INPP5B: variants seen among roughly 807,000 people sequenced by gnomAD.
INPP5B encodes the protein inositol polyphosphate-5-phosphatase B.
A neutral mutation model predicts 118.5 loss-of-function variants in INPP5B; 90 were observed. The observed-to-expected ratio is 0.76, with a 90% CI of 0.64 to 0.90. INPP5B has a LOEUF of 0.90. INPP5B is among the 40% of genes least tolerant of loss of function. The probability of loss-of-function intolerance (pLI) is 0.00; values close to 1 mark genes in which losing one functional copy is unlikely to be tolerated. For missense variants in INPP5B, 984 were observed against 1,125.6 expected (o/e 0.87, Z 1.80); for synonymous variants, 385 against 418.9 (o/e 0.92, Z 0.99).
intron 20 of INPP5B, among the ~76,000 whole-genome samples, chr1:37,867,533 C>T (rs1381557229): frequency 6.6e-6 from 1 of 152,106 alleles, no homozygotes; most frequent in African/African-American, 2.4e-5. Context: ...CTGAGAACTA[C>T]TGTGAAAACT....
intron 19 of INPP5B, among the ~76,000 whole-genome samples, chr1:37,871,909 A>G (rs1642465512): frequency 6.6e-6 from 1 of 151,330 alleles, no homozygotes; most frequent in Non-Finnish European, 1.5e-5. Context: ...AAAAAAAAAA[A>G]AAATTAGCTG....
At chr1:37,913,181 C>T (rs1292340965) in intron 7 of INPP5B, among the ~76,000 whole-genome samples, 13 of 152,100 alleles carry the variant, frequency 8.5e-5, no homozygotes, top group South Asian at 4.1e-4. Flanking sequence ...GGTGTGAACC[C>T]GGAAGGCGGA....
chr1:37,863,047 G>T (rs549940890), intron 23 of INPP5B, among the ~76,000 whole-genome samples: 54 of 152,276 alleles, frequency 3.5e-4, no homozygotes, highest in African/African-American at 1.2e-3. Flanking sequence ...TCCCCAGGAT[G>T]CGATGAGGTT....
In INPP5B at chr1:37,870,937, C is replaced by T. The variant is rs565540437; in HGVS notation, c.2187+1993G>A. ...GGTGAGGCCGAGGTGGGTGGATCAG[C>T]TGAGGTCAGGAGTTCGAGACCGGCC... On this transcript the variant is annotated intron_variant, in intron 19 of 23. Coordinates refer to ENST00000373024, the MANE Select transcript of INPP5B (RefSeq NM_005540.3). 5.3e-5 allele frequency among the ~76,000 whole-genome samples: 8 copies of T among 152,190 alleles called. No homozygotes were observed. The South Asian group carries it at 1.2e-3, about 24-fold the overall frequency.
In INPP5B at chr1:37,873,136, A is replaced by G; in HGVS notation, c.1981T>C (p.Phe661Leu). 2.5e-6 allele frequency: 4 copies of G among 1,613,420 alleles called. No homozygotes were observed. The highest frequency in any genetic ancestry group is 3.4e-6 in the Non-Finnish European group (4 of 1,179,400). The change falls in exon 19 of 24, where the codon TTC becomes CTC. Residue 661 changes from phenylalanine to leucine, a missense_variant. Physicochemically the swap from Phe to Leu is conservative, Grantham distance 22 (BLOSUM62 0). Transcript: ENST00000373024. ...TTTGTAGCTGTCATCTTATTTACGA[A>G]GAGCTCCAAGTCAATCTCAACATCA... ...DSDVEIDLELFVNKMTATKLN... is the reference protein window; with the variant it reads ...DSDVEIDLELLVNKMTATKLN...
At chr1:37,920,748 G>A (rs974660819) in intron 7 of INPP5B, among the ~76,000 whole-genome samples, 1 of 151,612 alleles carries the variant, frequency 6.6e-6, no homozygotes, top group Non-Finnish European at 1.5e-5. Flanking sequence ...CTCCGCCAAT[G>A]ACCAGATGAG....
chr1:37,895,149 TA>T (rs1036928638), intron 7 of INPP5B, among the ~76,000 whole-genome samples: 1 of 151,926 alleles, frequency 6.6e-6, no homozygotes, highest in East Asian at 1.9e-4. Context: ...GACTGAAATT[TA>T]AAAAAAAGAA....
intron 20 of INPP5B, among the ~76,000 whole-genome samples, chr1:37,866,861 A>G (rs1030799356): frequency 2.6e-5 from 4 of 152,094 alleles, no homozygotes; most frequent in African/African-American, 9.7e-5. Flanking sequence ...TACCCAGGGG[A>G]AAAAAAATGA....
rs1642552408 is a variant in INPP5B, at chr1:37,872,944, T to C, written c.2173A>G (p.Thr725Ala). The change falls in exon 19 of 24, where the codon ACC becomes GCC. Residue 725 changes from threonine to alanine, a missense_variant. Transcript: ENST00000373024. Reference sequence around the variant, plus strand: ...ATATTACTCACCAGCTCACTAATGGTTTCAAGTGGTAGGTCCAAGATTGGC... The same window carrying C: ...ATATTACTCACCAGCTCACTAATGGCTTCAAGTGGTAGGTCCAAGATTGGC... Reference protein sequence around the residue: ...REPILDLPLETISELTLMPVW... With the variant: ...REPILDLPLEAISELTLMPVW... 8.1e-6 allele frequency: 13 copies of C among 1,613,436 alleles called. No homozygotes were observed. Among genetic ancestry groups the C allele is most frequent in the Non-Finnish European group, 1.1e-5 (13 of 1,179,502 alleles).
At chr1:37,886,837 C>A in intron 12 of INPP5B, 51 bp downstream of exon 12, 1 of 1,346,810 alleles carries the variant, frequency 7.4e-7, no homozygotes, top group Non-Finnish European at 1.1e-6. Flanking sequence ...GTGGTCAATA[C>A]CTCAGGAGCT....
chr1:37,879,207 G>A (rs1643038380), intron 15 of INPP5B, among the ~76,000 whole-genome samples: 1 of 151,700 alleles, frequency 6.6e-6, no homozygotes, highest in African/African-American at 2.4e-5. Context: ...GGGAGGCAGA[G>A]GTTGCAGTGA....
At chr1:37,916,023 G>A (rs1644849163) in intron 7 of INPP5B, among the ~76,000 whole-genome samples, 1 of 152,144 alleles carries the variant, frequency 6.6e-6, no homozygotes, top group East Asian at 1.9e-4. Context: ...ATAAAACAAA[G>A]ATAGGCAGCA....
intron 7 of INPP5B, among the ~76,000 whole-genome samples, chr1:37,922,480 G>A (rs1318720598): frequency 6.6e-6 from 1 of 151,956 alleles, no homozygotes. Context: ...GGGAGGCCGA[G>A]GTCAGGAGAT....
intron 7 of INPP5B, among the ~76,000 whole-genome samples, chr1:37,926,438 C>T (rs1327653220): frequency 1.3e-5 from 2 of 152,118 alleles, no homozygotes; most frequent in African/African-American, 2.4e-5. Flanking sequence ...CGCACGCCAC[C>T]ACGCCCAGCT....
intron 7 of INPP5B, among the ~76,000 whole-genome samples, chr1:37,902,982 CA>C (rs199834282): frequency 1.1e-3 from 154 of 135,132 alleles, no homozygotes; most frequent in East Asian, 4.5e-3. Flanking sequence ...GACCCTGTCT[CA>C]AAAAAAAAAA....
At chr1:37,932,087 C>G in intron 6 of INPP5B, 34 bp from the exon 7 acceptor site, 1 of 1,535,710 alleles carries the variant, frequency 6.5e-7, no homozygotes, top group Non-Finnish European at 8.7e-7. Context: ...GACTGAGCCA[C>G]GAGCTTGAAG....
At chr1:37,896,130 A>C in intron 7 of INPP5B, among the ~76,000 whole-genome samples, 5 of 130,926 alleles carry the variant, frequency 3.8e-5, no homozygotes, top group Non-Finnish European at 6.5e-5. Flanking sequence ...CCGGCCGCCC[A>C]TCGTCTGAGA....
At chr1:37,917,308 T>TTTTATATATATATATATATATATATA (rs1367504194) in intron 7 of INPP5B, among the ~76,000 whole-genome samples, 13 of 92,804 alleles carry the variant, frequency 1.4e-4, no homozygotes, top group Non-Finnish European at 2.5e-4. Flanking sequence ...AAAAAAATAA[T>TTTTATATATATATATATATATATATA]TATATATATA....
intron 18 of INPP5B, among the ~76,000 whole-genome samples, chr1:37,873,744 C>T (rs777438431): frequency 6.6e-6 from 1 of 152,170 alleles, no homozygotes; most frequent in Non-Finnish European, 1.5e-5. Context: ...TGCTATACAG[C>T]AATTTTATGT....
Sources: allele counts gnomAD v4.1 joint callset (sites outside exome capture counted in the v4.1 genomes callset), GRCh38; gene constraint gnomAD v4.1.1; transcripts MANE v1.5; gene names NCBI Gene and HGNC (gene_info 2026-07-23, HGNC 2026-07-21).